Variants in TEX264 observed in about 807,000 individuals in gnomAD.
TEX264 encodes the protein testis-expressed protein 264.
Under a neutral mutation model 23.4 loss-of-function variants are expected in TEX264, and 13 were observed. The observed-to-expected ratio is 0.56, with a 90% CI of 0.36 to 0.88. The LOEUF is 0.88. Among genes scored for constraint, TEX264 ranks in the 40% least tolerant of loss-of-function variants. The pLI, the probability that TEX264 is intolerant of heterozygous loss-of-function variation, is 0.01. For missense variants in TEX264, 340 were observed against 406.8 expected, an observed-to-expected ratio of 0.84 and a Z score of 1.41; for synonymous variants, 159 against 170.0, an observed-to-expected ratio of 0.94 and a Z score of 0.50.
intron 2 of TEX264, among the ~76,000 whole-genome samples, chr3:51,675,271 A>G (rs1048225034): frequency 1.3e-5 from 2 of 152,196 alleles, no homozygotes; most frequent in African/African-American, 4.8e-5. Context: ...GAGCTTGCTA[A>G]TGTAACCTAC....
intron 3 of TEX264, among the ~76,000 whole-genome samples, chr3:51,695,481 G>A (rs1703019171): frequency 6.6e-6 from 1 of 152,232 alleles, no homozygotes; most frequent in South Asian, 2.1e-4. Flanking sequence ...CCAGGGCACA[G>A]GGTGATGTCC....
chr3:51,687,053 C>T (rs1702646734), intron 3 of TEX264, among the ~76,000 whole-genome samples: 1 of 152,218 alleles, frequency 6.6e-6, no homozygotes, highest in Non-Finnish European at 1.5e-5. Context: ...CTCCCCGCTC[C>T]CATGGGAGCC....
At position 51,704,193 on chromosome 3, in the gene TEX264, GC is replaced by G; in HGVS notation, c.*179del. The G allele has an allele frequency of 2.0e-6, 1 of 498,460 alleles. No individual in the cohort carries two copies. The highest frequency in any genetic ancestry group is 3.2e-6 in the Non-Finnish European group (1 of 315,030). The allele number at this position is 498,460 out of a possible 1,614,324, so 30.9% of individuals were successfully genotyped here. ...CCTCACTGCCCTTTAGGCTCCCAGG[GC>G]CAGAGGAGCCAGGGACTATTTTCTG... On this transcript the variant is annotated 3_prime_UTR_variant, in exon 5 of 5. Coordinates refer to ENST00000341333, the MANE Select transcript of TEX264 (RefSeq NM_015926.6).
At chr3:51,682,919 T>TA (rs1019805614) in intron 2 of TEX264, 1 of 152,126 alleles carries the variant, frequency 6.6e-6, no homozygotes, top group Non-Finnish European at 1.5e-5. Flanking sequence ...AAACTGTGAC[T>TA]AAAAGGAAGG....
In TEX264 at chr3:51,686,715, C is replaced by T. The variant is rs1045256935; in HGVS notation, c.480+2081C>T. 2.6e-5 allele frequency among the ~76,000 whole-genome samples: 4 copies of T among 151,964 alleles called. No individual in the cohort carries two copies. Among genetic ancestry groups the T allele is most frequent in the Non-Finnish European group, 4.4e-5 (3 of 67,962 alleles). ...GGTGGTGTGGGCAGGAAGGAAGATA[C>T]CAGTGCCCTAGGCCTGCTTAGTGTG... is the stretch of plus-strand genomic sequence containing the variant. On this transcript the variant is annotated intron_variant, in intron 3 of 4. Coordinates refer to ENST00000341333, the MANE Select transcript of TEX264 (RefSeq NM_015926.6). This position sits in a 1 kb window ranked among gnomAD's most constrained non-coding sequence, Gnocchi z 4.1.
Position 51,686,525 on chromosome 3 carries a change from G to A in TEX264, c.480+1891G>A, listed in dbSNP as rs1702625604. Among the ~76,000 whole-genome samples the A allele has an allele frequency of 6.6e-6, 1 of 152,200 alleles. No individual in the cohort carries two copies. Among genetic ancestry groups the A allele is most frequent in the Non-Finnish European group, 1.5e-5 (1 of 68,036 alleles). ...CAAAGACAGGTTTGAAGAATCAGGA[G>A]TGAGAAGACCTGGAAAGGGGAGGGC... is the stretch of plus-strand genomic sequence containing the variant. On this transcript the variant is annotated intron_variant, in intron 3 of 4. Coordinates refer to ENST00000341333, the MANE Select transcript of TEX264 (RefSeq NM_015926.6). This position sits in a 1 kb window ranked among gnomAD's most constrained non-coding sequence, Gnocchi z 4.1.
chr3:51,677,064 G>A (rs1480040619), intron 2 of TEX264, among the ~76,000 whole-genome samples: 3 of 152,206 alleles, frequency 2.0e-5, no homozygotes, highest in Admixed American at 2.0e-4. Flanking sequence ...GGGAACCATG[G>A]ACCCCCAGGC....
At position 51,671,289 on chromosome 3, in the gene TEX264, G is replaced by T. The variant is rs1162736642; in HGVS notation, c.-35+1G>T. ...GCGTCCGCAGCGGGCGGCTGCTGAGGTGAGGGCCGGGCCAGAGGAGAGGCA... is the reference window on the plus strand; with the variant it reads ...GCGTCCGCAGCGGGCGGCTGCTGAGTTGAGGGCCGGGCCAGAGGAGAGGCA... On this transcript the variant is annotated splice_donor_variant, in intron 1 of 4. Coordinates refer to ENST00000341333, the MANE Select transcript of TEX264 (RefSeq NM_015926.6). LOFTEE classifies it low-confidence loss of function (5UTR_SPLICE). 1 of 152,210 alleles carries T rather than the reference G, an allele frequency of 6.6e-6. No individual in the cohort carries two copies. Among genetic ancestry groups the T allele is most frequent in the Non-Finnish European group, 1.5e-5 (1 of 68,050 alleles). The allele number at this position is 152,210 out of a possible 1,614,324, so 9.4% of individuals were successfully genotyped here.
intron 2 of TEX264, chr3:51,683,058 G>A (rs1280152178): frequency 6.5e-6 from 1 of 153,788 alleles, no homozygotes. Flanking sequence ...CACAGTGCTG[G>A]GAAGGAGGGC....
chr3:51,696,976 A>C (rs952868436), intron 3 of TEX264, among the ~76,000 whole-genome samples: 2 of 152,072 alleles, frequency 1.3e-5, no homozygotes, highest in African/African-American at 4.8e-5. Context: ...TCCCTGTGTG[A>C]GATGCTGTGA....
intron 1 of TEX264, among the ~76,000 whole-genome samples, chr3:51,672,897 A>G (rs1702098528): frequency 6.6e-6 from 1 of 152,222 alleles, no homozygotes; most frequent in Non-Finnish European, 1.5e-5. Context: ...GAAAATTGGA[A>G]TGAAAGTTAC....
chr3:51,703,918 G>C lies in TEX264; in HGVS notation c.844G>C (p.Gly282Arg). The C allele has an allele frequency of 6.2e-7, 1 of 1,606,842 alleles. No homozygotes were observed. ...SFEELDLEGEGPLGESRLDPG... is the reference protein window; with the variant it reads ...SFEELDLEGERPLGESRLDPG... The stretch of plus-strand genomic sequence containing the variant: ...TGAGGAGCTGGACTTGGAGGGCGAG[G>C]GGCCCTTAGGGGAGTCACGGCTGGA... Residue 282 changes from glycine to arginine, a missense_variant, in exon 5 of 5, where the codon GGG becomes CGG. By Grantham distance (125) the Gly-to-Arg change is moderately radical. Coordinates refer to ENST00000341333, the MANE Select transcript of TEX264 (RefSeq NM_015926.6). This position sits in a 1 kb window ranked among gnomAD's most constrained non-coding sequence, Gnocchi z 4.8.
chr3:51,700,190 A>G (rs1023672490), intron 4 of TEX264, among the ~76,000 whole-genome samples: 2 of 152,120 alleles, frequency 1.3e-5, no homozygotes, highest in African/African-American at 4.8e-5. Flanking sequence ...CCCCTCTGCA[A>G]TGATCTGTGA....
chr3:51,694,085 G>GTCCTTCCTTCCTTCCTTCCTTCCTTCCT (rs60670569), intron 3 of TEX264, among the ~76,000 whole-genome samples: 6 of 85,328 alleles, frequency 7.0e-5, no homozygotes, highest in South Asian at 5.7e-4. Flanking sequence ...CCTTCCGTCC[G>GTCCTTCCTTCCTTCCTTCCTTCCTTCCT]TCCTTCCTTC....
chr3:51,687,820 T>C (rs1038217940), intron 3 of TEX264, among the ~76,000 whole-genome samples: 1 of 152,116 alleles, frequency 6.6e-6, no homozygotes, highest in East Asian at 1.9e-4. Context: ...TGGAACAGGA[T>C]TGGTCTCATG....
chr3:51,673,034 CTT>C (rs1479520955), intron 1 of TEX264, among the ~76,000 whole-genome samples: 2 of 152,286 alleles, frequency 1.3e-5, no homozygotes, highest in East Asian at 1.9e-4. Context: ...TACTTTGCCT[CTT>C]TGTGAGCAAA....
chr3:51,696,445 G>C (rs1184079632), intron 3 of TEX264, among the ~76,000 whole-genome samples: 1 of 152,176 alleles, frequency 6.6e-6, no homozygotes, highest in African/African-American at 2.4e-5. Flanking sequence ...TTGACATATT[G>C]CCCGGGCCAT....
intron 4 of TEX264, among the ~76,000 whole-genome samples, chr3:51,700,507 A>G (rs1703251192): frequency 6.6e-6 from 1 of 152,050 alleles, no homozygotes; most frequent in African/African-American, 2.4e-5. Context: ...AATTACCTCC[A>G]TGGGGTACAG....
rs371011006 is a variant in TEX264 at position 51,699,482 on chromosome 3, G to A, written c.557G>A (p.Arg186Gln). Residue 186 changes from arginine (R) to glutamine (Q), a missense_variant, in exon 4 of 5, where the codon CGG (arginine) becomes CAG (glutamine). Transcript: ENST00000341333. ...ATCCATTTCATGTGCCCACTGGCAC[G>A]GCAGGGAGACTTCTATGTGCCTGAG... is the stretch of plus-strand genomic sequence containing the variant. ...DQIHFMCPLA[R>Q]QGDFYVPEMK... 3.7e-6 allele frequency: 6 copies of A among 1,614,004 alleles called. No homozygotes were observed. Among genetic ancestry groups the A allele is most frequent in the South Asian group, 1.1e-5 (1 of 91,088 alleles).
Sources: gnomAD v4.1 joint callset for allele counts (sites outside exome capture counted in the v4.1 genomes callset) on GRCh38, gnomAD v4.1.1 for gene constraint, Gnocchi (gnomAD v3.1) non-coding constraint, MANE v1.5 for transcripts, NCBI Gene and HGNC (gene_info 2026-07-23, HGNC 2026-07-21) for gene names.